The following NLGN1 variants were observed in gnomAD, a reference collection of about 807,000 sequenced individuals.
The protein encoded by NLGN1 is neuroligin-1.
In NLGN1, 12 loss-of-function variants were observed where a neutral mutation model predicts 65.5. The ratio of observed to expected loss-of-function variants is 0.18; its 90% CI spans 0.12 to 0.30. The LOEUF (loss-of-function observed/expected upper bound fraction) is 0.30. Among genes scored for constraint, NLGN1 ranks in the 10% least tolerant of loss-of-function variants. The pLI, the probability that NLGN1 is intolerant of heterozygous loss-of-function variation, is 1.00. For synonymous variants in NLGN1, 350 were observed against 359.5 expected, an observed-to-expected ratio of 0.97 and a Z score of 0.30; for missense variants, 750 against 1,007.1, an observed-to-expected ratio of 0.74 and a Z score of 3.46.
intron 4 of NLGN1, among the ~76,000 whole-genome samples, chr3:174,189,697 A>G (rs191028873): frequency 1.0e-4 from 15 of 149,734 alleles, no homozygotes; most frequent in Admixed American, 9.6e-4. Context: ...TTATCCAAAT[A>G]TCTAGTATCC....
intron 2 of NLGN1, among the ~76,000 whole-genome samples, chr3:173,439,183 C>T (rs1411573839): frequency 6.6e-6 from 1 of 152,126 alleles, no homozygotes; most frequent in African/African-American, 2.4e-5. Context: ...TCCCCCATAG[C>T]ACATATCACA....
chr3:173,928,237 A>C (rs543639697), intron 4 of NLGN1, among the ~76,000 whole-genome samples: 1 of 152,148 alleles, frequency 6.6e-6, no homozygotes, highest in Non-Finnish European at 1.5e-5. Flanking sequence ...AGGGTCACAC[A>C]CTTTTAAGTG....
chr3:173,824,866 G>A (rs937957348), intron 4 of NLGN1, among the ~76,000 whole-genome samples: 1 of 152,080 alleles, frequency 6.6e-6, no homozygotes, highest in Non-Finnish European at 1.5e-5. Flanking sequence ...TTAACCGTAT[G>A]TAGCCATTTC....
At chr3:173,489,823 C>A (rs1267863203) in intron 2 of NLGN1, among the ~76,000 whole-genome samples, 2 of 152,022 alleles carry the variant, frequency 1.3e-5, no homozygotes, top group Non-Finnish European at 2.9e-5. Flanking sequence ...TTTTCCATTT[C>A]TCTGATGGCC....
chr3:173,838,184 A>G (rs1259028024), intron 4 of NLGN1, among the ~76,000 whole-genome samples: 1 of 150,384 alleles, frequency 6.6e-6, no homozygotes, highest in Non-Finnish European at 1.5e-5. Flanking sequence ...ATTGATTGTA[A>G]CCTGGTCAAC....
intron 4 of NLGN1, among the ~76,000 whole-genome samples, chr3:174,064,942 T>G (rs1738199589): frequency 6.6e-6 from 1 of 151,276 alleles, no homozygotes; most frequent in South Asian, 2.1e-4. Flanking sequence ...TCTATTATAT[T>G]GTCTTATAAA....
rs140197508 is a variant in NLGN1, at chr3:173,912,892, T to C, written c.646+105060T>C. ...ATTACAAGTGATTACTGTGTTAATATTGATCCCTCCTTTAAGGTACTTCAC... is the reference window on the plus strand; with the variant it reads ...ATTACAAGTGATTACTGTGTTAATACTGATCCCTCCTTTAAGGTACTTCAC... On this transcript the variant is annotated intron_variant, in intron 4 of 6. Transcript: ENST00000457714. Among the ~76,000 whole-genome samples the C allele has an allele frequency of 1.0e-2, 1,516 of 152,272 alleles. 16 individuals are homozygous for C. Among genetic ancestry groups the C allele is most frequent in the Non-Finnish European group, 0.014 (959 of 68,014 alleles).
At chr3:173,817,814 C>T (rs1367685761) in intron 4 of NLGN1, among the ~76,000 whole-genome samples, 1 of 151,996 alleles carries the variant, frequency 6.6e-6, no homozygotes, top group East Asian at 1.9e-4. Flanking sequence ...AAAAGGATAT[C>T]TTATTATTTT....
chr3:173,527,406 C>CT (rs966174637), intron 2 of NLGN1, among the ~76,000 whole-genome samples: 109 of 151,268 alleles, frequency 7.2e-4, no homozygotes, highest in African/African-American at 2.2e-3. Flanking sequence ...TTCTTTTTTT[C>CT]TTTTTTTTTG....
chr3:173,422,779 T>G (rs1244333171), intron 1 of NLGN1, among the ~76,000 whole-genome samples: 1 of 152,230 alleles, frequency 6.6e-6, no homozygotes, highest in Non-Finnish European at 1.5e-5. Flanking sequence ...TTTAGAAATA[T>G]CTATCTAGAC....
At chr3:174,281,255 G>GCCCCAT (rs772589994) in exon 7 of NLGN1, 2 of 1,612,664 alleles carry the variant, frequency 1.2e-6, no homozygotes, top group South Asian at 1.1e-5. Flanking sequence ...ACAATACTCT[G>GCCCCAT]CCCCATCCCC....
intron 3 of NLGN1, among the ~76,000 whole-genome samples, chr3:173,649,625 T>C (rs754489215): frequency 3.9e-5 from 6 of 152,096 alleles, no homozygotes; most frequent in African/African-American, 7.2e-5. Flanking sequence ...TAGTTCCTAA[T>C]AAAGTTAAAA....
At chr3:174,244,977 T>C (rs1158320688) in intron 4 of NLGN1, among the ~76,000 whole-genome samples, 1 of 152,202 alleles carries the variant, frequency 6.6e-6, no homozygotes, top group African/African-American at 2.4e-5. Flanking sequence ...TTTTTTCCCT[T>C]AACTGGGATT....
intron 2 of NLGN1, among the ~76,000 whole-genome samples, chr3:173,570,001 C>CT (rs1365487645): frequency 6.6e-6 from 1 of 152,150 alleles, no homozygotes; most frequent in African/African-American, 2.4e-5. Context: ...AGATAAAACT[C>CT]TGTCTCCCAA....
At chr3:173,515,001 A>G (rs1024520928) in intron 2 of NLGN1, among the ~76,000 whole-genome samples, 2 of 152,188 alleles carry the variant, frequency 1.3e-5, no homozygotes, top group Non-Finnish European at 2.9e-5. Context: ...CCTAGTTTCA[A>G]TTCTTTTGGA....
chr3:174,100,739 C>T (rs1285251145), intron 4 of NLGN1, among the ~76,000 whole-genome samples: 4 of 151,900 alleles, frequency 2.6e-5, no homozygotes, highest in African/African-American at 9.7e-5. Context: ...ATTAAGAAGT[C>T]ACCTTCTGCC....
chr3:174,023,661 C>T (rs1430785141), intron 4 of NLGN1, among the ~76,000 whole-genome samples: 3 of 152,110 alleles, frequency 2.0e-5, no homozygotes, highest in Non-Finnish European at 2.9e-5. Context: ...TGTGTTGCTG[C>T]AGTCTTTGAG....
chr3:173,935,597 C>CACAA (rs1299274466), intron 4 of NLGN1, among the ~76,000 whole-genome samples: 1 of 94,644 alleles, frequency 1.1e-5, no homozygotes, highest in African/African-American at 3.4e-5. Context: ...ACAGTCTACA[C>CACAA]ACACACACAC....
intron 3 of NLGN1, among the ~76,000 whole-genome samples, chr3:173,782,919 A>G (rs1282144852): frequency 3.3e-5 from 5 of 151,936 alleles, no homozygotes; most frequent in Non-Finnish European, 7.4e-5. Flanking sequence ...GTACTAATAC[A>G]AAGAGATCTC....
Sources: gnomAD v4.1 joint callset for allele counts (sites outside exome capture counted in the v4.1 genomes callset) on GRCh38, gnomAD v4.1.1 for gene constraint, MANE v1.5 for transcripts, NCBI Gene and HGNC (gene_info 2026-07-23, HGNC 2026-07-21) for gene names.